MAP2K1: variants seen among roughly 807,000 people sequenced by gnomAD.
MAP2K1 encodes dual specificity mitogen-activated protein kinase kinase 1.
MAP2K1 carries 16 observed loss-of-function variants against 46.3 expected under a neutral mutation model. That is an observed-to-expected ratio of 0.35 (90% CI 0.23 to 0.52). The LOEUF (loss-of-function observed/expected upper bound fraction) is 0.52, where lower values mean the gene tolerates loss of function less well. MAP2K1 is among the 20% of genes least tolerant of loss of function. The pLI, the probability that MAP2K1 is intolerant of heterozygous loss-of-function variation, is 0.94. For synonymous variants in MAP2K1, 183 were observed against 185.6 expected (o/e 0.99, Z 0.11); for missense variants, 263 against 497.1 (o/e 0.53, Z 4.48).
chr15:66,429,625 G>T (rs2093469160), intron 1 of MAP2K1, among the ~76,000 whole-genome samples: 1 of 148,388 alleles, frequency 6.7e-6, no homozygotes, highest in Non-Finnish European at 1.5e-5. Flanking sequence ...CCAAGATGTT[G>T]ACTGGGGCTG....
At chr15:66,467,452 C>G (rs914405830) in intron 5 of MAP2K1, among the ~76,000 whole-genome samples, 1 of 152,180 alleles carries the variant, frequency 6.6e-6, no homozygotes, top group African/African-American at 2.4e-5. Context: ...TGCCTGGGGA[C>G]TAGGCTGCCT....
At chr15:66,457,988 C>T (rs1008867813) in intron 5 of MAP2K1, among the ~76,000 whole-genome samples, 2 of 149,350 alleles carry the variant, frequency 1.3e-5, no homozygotes, top group Admixed American at 1.3e-4. Flanking sequence ...AGAATTTAAA[C>T]ACAAAACTAA....
At chr15:66,414,829 C>T in intron 1 of MAP2K1, 1 of 222,896 alleles carries the variant, frequency 4.5e-6, no homozygotes. Flanking sequence ...AGGTTAATTC[C>T]CATTAGGATA....
At chr15:66,469,677 A>G (rs996123034) in intron 5 of MAP2K1, among the ~76,000 whole-genome samples, 2 of 64,658 alleles carry the variant, frequency 3.1e-5, no homozygotes, top group African/African-American at 1.2e-4. Context: ...AACCCAAAAC[A>G]TAAAATCCTT....
chr15:66,484,392 C>A (rs1198173882), intron 6 of MAP2K1, among the ~76,000 whole-genome samples: 3 of 152,132 alleles, frequency 2.0e-5, no homozygotes, highest in African/African-American at 7.2e-5. Context: ...ATGTGATCCG[C>A]CTGCCTCAGC....
intron 1 of MAP2K1, among the ~76,000 whole-genome samples, chr15:66,388,212 A>G (rs1374041478): frequency 1.3e-5 from 2 of 151,140 alleles, no homozygotes; most frequent in African/African-American, 2.4e-5. Flanking sequence ...TTGCTTACAA[A>G]CGAGCACTTT....
At chr15:66,407,323 C>T (rs2093399967) in intron 1 of MAP2K1, among the ~76,000 whole-genome samples, 1 of 152,142 alleles carries the variant, frequency 6.6e-6, no homozygotes, top group South Asian at 2.1e-4. Context: ...CCCCCACAAG[C>T]GTTTCATTTG....
At chr15:66,425,981 T>C (rs1307519444) in intron 1 of MAP2K1, among the ~76,000 whole-genome samples, 2 of 152,172 alleles carry the variant, frequency 1.3e-5, no homozygotes, top group African/African-American at 4.8e-5. Context: ...CCTCCTTTCT[T>C]GTTAAACTGA....
chr15:66,421,135 T>C (rs1311653635), intron 1 of MAP2K1, among the ~76,000 whole-genome samples: 2 of 149,598 alleles, frequency 1.3e-5, no homozygotes, highest in Non-Finnish European at 3.0e-5. Context: ...CATATATATA[T>C]ATATAAATTT....
At chr15:66,443,399 TA>T (rs1416927564) in intron 4 of MAP2K1, 42 bp downstream of exon 4, 1 of 1,165,838 alleles carries the variant, frequency 8.6e-7, no homozygotes, top group Admixed American at 1.7e-5. Flanking sequence ...TCCTCATTGA[TA>T]AGTTAATGAG....
chr15:66,415,703 G>C (rs1019586560), intron 1 of MAP2K1, among the ~76,000 whole-genome samples: 1 of 152,160 alleles, frequency 6.6e-6, no homozygotes, highest in Admixed American at 6.5e-5. Flanking sequence ...ATATAAAACT[G>C]ATCTTGTCAC....
chr15:66,463,883 G>T (rs971307937), intron 5 of MAP2K1, among the ~76,000 whole-genome samples: 4 of 152,228 alleles, frequency 2.6e-5, no homozygotes, highest in Admixed American at 6.5e-5. Flanking sequence ...GCTCAAAGCA[G>T]GGAGGAGGCT....
intron 5 of MAP2K1, among the ~76,000 whole-genome samples, chr15:66,476,551 C>T (rs1432899074): frequency 6.6e-6 from 1 of 152,214 alleles, no homozygotes; most frequent in Non-Finnish European, 1.5e-5. Context: ...GACTCTTACA[C>T]AGGGGCAGTT....
At chr15:66,394,758 G>A (rs1382454139) in intron 1 of MAP2K1, among the ~76,000 whole-genome samples, 1 of 152,156 alleles carries the variant, frequency 6.6e-6, no homozygotes, top group African/African-American at 2.4e-5. Flanking sequence ...GGCCTGATAA[G>A]TAGGAGCTTT....
At chr15:66,481,612 C>A in intron 5 of MAP2K1, 143 bp from the exon 6 acceptor site, 2 of 899,488 alleles carry the variant, frequency 2.2e-6, no homozygotes, top group Non-Finnish European at 3.6e-6. Context: ...ACAGTGTTTG[C>A]AAGCCAAGGG....
chr15:66,452,292 AAAAAAAAAAAAG>A (rs1892041383), intron 5 of MAP2K1, among the ~76,000 whole-genome samples: 2 of 21,078 alleles, frequency 9.5e-5, no homozygotes, highest in Admixed American at 1.6e-3. Flanking sequence ...TATAATAAAA[AAAAAAAAAAAAG>A]AAAAAAAAAA....
chr15:66,405,439 T>C (rs1025364024), intron 1 of MAP2K1, among the ~76,000 whole-genome samples: 2 of 152,262 alleles, frequency 1.3e-5, no homozygotes, highest in African/African-American at 4.8e-5. Flanking sequence ...GCTTTCTTCA[T>C]TGCAGAAAGT....
intron 1 of MAP2K1, among the ~76,000 whole-genome samples, chr15:66,425,755 A>G (rs1395912392): frequency 6.6e-6 from 1 of 152,240 alleles, no homozygotes; most frequent in Non-Finnish European, 1.5e-5. Context: ...TTTCTGTAAC[A>G]ATATCCCACT....
intron 5 of MAP2K1, among the ~76,000 whole-genome samples, chr15:66,473,214 C>T (rs1282330469): frequency 6.6e-6 from 1 of 152,156 alleles, no homozygotes; most frequent in African/African-American, 2.4e-5. Context: ...AGATTTTATC[C>T]TCCAGCCTCA....
Sources: gnomAD v4.1 joint callset for allele counts (sites outside exome capture counted in the v4.1 genomes callset) on GRCh38, gnomAD v4.1.1 for gene constraint, MANE v1.5 for transcripts, NCBI Gene and HGNC (gene_info 2026-07-23, HGNC 2026-07-21) for gene names.